The following CEP170 variants were observed in gnomAD, a reference collection of about 807,000 sequenced individuals.
CEP170 encodes the protein centrosomal protein of 170 kDa.
A neutral mutation model predicts 151.9 loss-of-function variants in CEP170; 21 were observed. The observed-to-expected ratio is 0.14, with a 90% CI of 0.10 to 0.20. CEP170 has a LOEUF of 0.20. CEP170 is among the 10% of genes least tolerant of loss of function. CEP170 has a pLI of 1.00. For missense variants in CEP170, 964 were observed against 1,892.9 expected, an observed-to-expected ratio of 0.51 and a Z score of 9.11; for synonymous variants, 356 against 648.8, an observed-to-expected ratio of 0.55 and a Z score of 6.86.
At chr1:243,207,306 CATA>C (rs2061488924) in intron 4 of CEP170, among the ~76,000 whole-genome samples, 1 of 152,094 alleles carries the variant, frequency 6.6e-6, no homozygotes, top group South Asian at 2.1e-4. Context: ...CAGGTCATTG[CATA>C]ATGATAGAGG....
At chr1:243,138,223 T>C (rs1394988440) in intron 16 of CEP170, among the ~76,000 whole-genome samples, 2 of 152,238 alleles carry the variant, frequency 1.3e-5, no homozygotes, top group East Asian at 1.9e-4. Flanking sequence ...TTTTTTATTA[T>C]GTTTGGAGAA....
At chr1:243,202,701 T>G (rs1378220465) in intron 4 of CEP170, among the ~76,000 whole-genome samples, 1 of 152,060 alleles carries the variant, frequency 6.6e-6, no homozygotes, top group Non-Finnish European at 1.5e-5. Context: ...TGGTAAAAAC[T>G]TTGCTTTAAA....
intron 1 of CEP170, among the ~76,000 whole-genome samples, chr1:243,227,725 T>C (rs1572491769): frequency 6.6e-6 from 1 of 152,230 alleles, no homozygotes. Flanking sequence ...GTTTTTGTAA[T>C]GTCAGGGCAA....
chr1:243,254,330 T>A (rs2066313435), intron 1 of CEP170: 1 of 152,106 alleles, frequency 6.6e-6, no homozygotes, highest in Non-Finnish European at 1.5e-5. Context: ...ATCGCTTGCA[T>A]AAAATGGAAG....
chr1:243,141,819 T>A (rs2055866856), intron 15 of CEP170, among the ~76,000 whole-genome samples: 1 of 152,230 alleles, frequency 6.6e-6, no homozygotes, highest in South Asian at 2.1e-4. Context: ...TACATATGTA[T>A]TTCAATTTTT....
chr1:243,135,567 A>T (rs973222441), intron 17 of CEP170, among the ~76,000 whole-genome samples: 19 of 152,334 alleles, frequency 1.2e-4, no homozygotes, highest in Admixed American at 3.3e-4. Context: ...CTGTTTCTTA[A>T]CATGCCAAGT....
chr1:243,236,021 C>T lies in CEP170; in HGVS notation c.-41-10700G>A, dbSNP rs540969084. Among the ~76,000 whole-genome samples the T allele has an allele frequency of 2.4e-3, 358 of 152,254 alleles. 1 individual carries two copies. Among genetic ancestry groups the T allele is most frequent in the African/African-American group, 8.4e-3 (350 of 41,548 alleles). ...CCCTCATTAAAGCATAATTTTGTTGCTTTACACCAAAAAATCAATTGACTT... is the reference window on the plus strand; with the variant it reads ...CCCTCATTAAAGCATAATTTTGTTGTTTTACACCAAAAAATCAATTGACTT... On this transcript the variant is annotated intron_variant, in intron 1 of 19. Transcript: ENST00000366542.
At chr1:243,254,775 GA>G (rs1399798252) in intron 1 of CEP170, among the ~76,000 whole-genome samples, 1 of 141,770 alleles carries the variant, frequency 7.1e-6, no homozygotes, top group Non-Finnish European at 1.5e-5. Context: ...GGGGCCGCAG[GA>G]CTGGAGCTCC....
intron 10 of CEP170, among the ~76,000 whole-genome samples, chr1:243,180,972 G>C (rs1443442876): frequency 6.6e-6 from 1 of 152,210 alleles, no homozygotes; most frequent in Non-Finnish European, 1.5e-5. Context: ...GTATCTGGCA[G>C]AGTTGGTCTA....
chr1:243,209,714 C>A (rs1289695636), intron 4 of CEP170, among the ~76,000 whole-genome samples: 1 of 151,144 alleles, frequency 6.6e-6, no homozygotes, highest in South Asian at 2.1e-4. Context: ...GAGTCTGGCT[C>A]TGTTGCCCAG....
intron 2 of CEP170, among the ~76,000 whole-genome samples, chr1:243,223,727 CGTTT>C (rs929844971): frequency 1.3e-5 from 2 of 152,026 alleles, no homozygotes; most frequent in Non-Finnish European, 2.9e-5. Context: ...AAGAATACAT[CGTTT>C]GTTTGTTTAA....
chr1:243,152,521 A>ATTTTTTTTTTT (rs371392454), intron 14 of CEP170, among the ~76,000 whole-genome samples: 1 of 54,930 alleles, frequency 1.8e-5, no homozygotes, highest in African/African-American at 7.5e-5. Context: ...GCGCCCAGCC[A>ATTTTTTTTTTT]TTTTTTTTTT....
chr1:243,244,038 G>C (rs183319701), intron 1 of CEP170, among the ~76,000 whole-genome samples: 1 of 152,114 alleles, frequency 6.6e-6, no homozygotes, highest in Admixed American at 6.5e-5. Context: ...TATTTCAGTA[G>C]TACATTCGGA....
intron 11 of CEP170, among the ~76,000 whole-genome samples, chr1:243,172,460 C>A (rs1426942359): frequency 6.6e-6 from 1 of 152,128 alleles, no homozygotes; most frequent in Non-Finnish European, 1.5e-5. Context: ...CATGGTGAAA[C>A]CATCTCTACT....
intron 16 of CEP170, among the ~76,000 whole-genome samples, chr1:243,136,551 C>G (rs1217721783): frequency 6.6e-6 from 1 of 152,164 alleles, no homozygotes; most frequent in Non-Finnish European, 1.5e-5. Flanking sequence ...TTACTTCCAA[C>G]TGAATTATAA....
At chr1:243,205,460 A>G (rs2148867473) in intron 4 of CEP170, among the ~76,000 whole-genome samples, 1 of 152,316 alleles carries the variant, frequency 6.6e-6, no homozygotes, top group South Asian at 2.1e-4. Flanking sequence ...GTGGCCACAG[A>G]AATATGTTAA....
chr1:243,220,793 T>G (rs755529071), intron 3 of CEP170, among the ~76,000 whole-genome samples: 3 of 152,220 alleles, frequency 2.0e-5, no homozygotes, highest in Non-Finnish European at 4.4e-5. Context: ...AGCACTCTTT[T>G]TAGTTTGTAG....
At chr1:243,223,550 C>T (rs1308379478) in intron 2 of CEP170, among the ~76,000 whole-genome samples, 5 of 152,120 alleles carry the variant, frequency 3.3e-5, no homozygotes, top group Non-Finnish European at 5.9e-5. Context: ...CAATGTACCC[C>T]GCCCTCCAAC....
intron 3 of CEP170, among the ~76,000 whole-genome samples, chr1:243,221,309 C>T (rs1325590405): frequency 6.6e-6 from 1 of 152,222 alleles, no homozygotes; most frequent in Non-Finnish European, 1.5e-5. Flanking sequence ...AGGCGTGAGC[C>T]ACCGCGCCCG....
Sources: allele counts gnomAD v4.1 joint callset (sites outside exome capture counted in the v4.1 genomes callset), GRCh38; gene constraint gnomAD v4.1.1; transcripts MANE v1.5; gene names NCBI Gene and HGNC (gene_info 2026-07-23, HGNC 2026-07-21).